Variants in SEC23A observed in about 807,000 individuals in gnomAD.
SEC23A encodes SEC23 homolog A, COPII component, also known as protein transport protein Sec23A.
A neutral mutation model predicts 103.7 loss-of-function variants in SEC23A; 56 were observed. The ratio of observed to expected loss-of-function variants is 0.54; its 90% confidence interval spans 0.44 to 0.67. The LOEUF (loss-of-function observed/expected upper bound fraction) is 0.67. SEC23A is among the 30% of genes least tolerant of loss of function. SEC23A has a pLI of 0.00. For synonymous variants in SEC23A, 281 were observed against 293.0 expected, an observed-to-expected ratio of 0.96 and a Z score of 0.42; for missense variants, 784 against 936.4, an observed-to-expected ratio of 0.84 and a Z score of 2.12.
At position 39,095,801 on chromosome 14, in the gene SEC23A, T is replaced by A; in HGVS notation, c.221+97A>T. ...CTGTCCTAATTTGAAAAAATTAGTA[T>A]GAACAAAAACAAAGGGATTTTTATA... On this transcript the variant is annotated intron_variant, in intron 2 of 19. Coordinates refer to ENST00000307712, the MANE Select transcript of SEC23A (RefSeq NM_006364.4). 9.9e-6 allele frequency: 10 copies of A among 1,009,914 alleles called. No homozygotes were observed. The South Asian group carries it at 1.3e-4, about 13-fold the overall frequency. 62.6% of individuals were successfully genotyped at this position (1,009,914 alleles called of 1,614,324 possible). A position where few individuals can be genotyped will look rare whatever the true frequency, so the allele number is the denominator to read the frequency against.
At chr14:39,060,355 TACTC>T (rs1157056818) in intron 13 of SEC23A, among the ~76,000 whole-genome samples, 1 of 152,192 alleles carries the variant, frequency 6.6e-6, no homozygotes, top group Non-Finnish European at 1.5e-5. Flanking sequence ...ATACAGCTAA[TACTC>T]AGTTCAAATG....
chr14:39,061,629 A>G, intron 13 of SEC23A, 136 bp downstream of exon 13: 1 of 695,484 alleles, frequency 1.4e-6, no homozygotes, highest in South Asian at 1.6e-5. Context: ...TGGGTTAGAA[A>G]GAAATAAATA....
At chr14:39,067,409 C>T (rs1271088405) in intron 9 of SEC23A, 113 bp from the exon 10 acceptor site, 7 of 1,147,704 alleles carry the variant, frequency 6.1e-6, no homozygotes, top group Non-Finnish European at 8.8e-6. Flanking sequence ...AAAGATATTT[C>T]CCAAAATGTG....
chr14:39,099,802 A>T (rs1199508328), intron 1 of SEC23A, among the ~76,000 whole-genome samples: 1 of 152,144 alleles, frequency 6.6e-6, no homozygotes, highest in East Asian at 1.9e-4. Flanking sequence ...ATACAATTCA[A>T]CCAAAACAAT....
chr14:39,100,871 T>A (rs1215907916), intron 1 of SEC23A, among the ~76,000 whole-genome samples: 5 of 151,552 alleles, frequency 3.3e-5, no homozygotes, highest in Non-Finnish European at 1.5e-5. Context: ...TGAGATGGAG[T>A]CTCACTCTAT....
At chr14:39,056,184 A>G (rs997625555) in intron 13 of SEC23A, among the ~76,000 whole-genome samples, 1 of 152,214 alleles carries the variant, frequency 6.6e-6, no homozygotes, top group Non-Finnish European at 1.5e-5. Context: ...AAAAGTGTGT[A>G]GATAAGCCAA....
At chr14:39,079,398 A>C (rs1887141691) in intron 7 of SEC23A, among the ~76,000 whole-genome samples, 1 of 152,220 alleles carries the variant, frequency 6.6e-6, no homozygotes, top group Non-Finnish European at 1.5e-5. Flanking sequence ...TTGTATTGTC[A>C]TATTAGAAAG....
chr14:39,099,283 C>G (rs1888002757), intron 1 of SEC23A, among the ~76,000 whole-genome samples: 1 of 151,258 alleles, frequency 6.6e-6, no homozygotes, highest in Non-Finnish European at 1.5e-5. Context: ...CTCAGCCTCC[C>G]AAGTAGCTGG....
intron 19 of SEC23A, among the ~76,000 whole-genome samples, chr14:39,036,212 C>T (rs1885453023): frequency 6.6e-6 from 1 of 150,432 alleles, no homozygotes; most frequent in Non-Finnish European, 1.5e-5. Flanking sequence ...GTCCCAGCTA[C>T]TCAGGAGGCT....
At chr14:39,098,470 A>T (rs1887969128) in intron 1 of SEC23A, among the ~76,000 whole-genome samples, 1 of 152,094 alleles carries the variant, frequency 6.6e-6, no homozygotes, top group Admixed American at 6.6e-5. Flanking sequence ...TACCCACAAA[A>T]ATTAAAAATA....
At chr14:39,066,010 A>AC (rs144437867) in intron 10 of SEC23A, among the ~76,000 whole-genome samples, 42 of 20,286 alleles carry the variant, frequency 2.1e-3, no homozygotes, top group Non-Finnish European at 4.9e-3. Flanking sequence ...AAAAAAAAAA[A>AC]AAAAAAAAAA....
chr14:39,041,868 C>CAAAA (rs773512856), intron 17 of SEC23A, among the ~76,000 whole-genome samples: 6 of 88,758 alleles, frequency 6.8e-5, no homozygotes, highest in Non-Finnish European at 1.1e-4. Context: ...GACTGAGTCT[C>CAAAA]AAAAAAAAAA....
intron 19 of SEC23A, among the ~76,000 whole-genome samples, chr14:39,037,189 C>G (rs535186139): frequency 6.6e-6 from 1 of 152,102 alleles, no homozygotes; most frequent in South Asian, 2.1e-4. Flanking sequence ...CTCATTCTTG[C>G]CCTGACCATC....
rs186622019 is a variant in SEC23A, at chr14:39,086,870, G to A, written c.683+59C>T. ...TATCACTGAATGCCTATGTTCAAGG[G>A]TATGGAATGTTTAAAATAGCTACAG... On this transcript the variant is annotated intron_variant, in intron 6 of 19. Transcript: ENST00000307712. 567 of 958,250 alleles carry A rather than the reference G, an allele frequency of 5.9e-4. 3 individuals carry two copies. The highest frequency in any genetic ancestry group is 3.9e-3 in the Middle Eastern group (19 of 4,818). 59.4% of individuals were successfully genotyped at this position (958,250 alleles called of 1,614,324 possible).
At chr14:39,052,597 A>G (rs1403742563) in intron 14 of SEC23A, among the ~76,000 whole-genome samples, 1 of 152,206 alleles carries the variant, frequency 6.6e-6, no homozygotes, top group Non-Finnish European at 1.5e-5. Flanking sequence ...GGCAAAATGG[A>G]AAAAGCCCTT....
chr14:39,092,692 AAACAAAGTATTTCCTGATC>A, intron 3 of SEC23A, 65 bp from the exon 4 acceptor site: 2 of 904,940 alleles, frequency 2.2e-6, no homozygotes, highest in Non-Finnish European at 3.5e-6. Context: ...ATAAAATTTT[AAACAAAGTATTTCCTGATC>A]ATTTAATTAT....
chr14:39,059,300 A>AAAAAAC (rs1886382340), intron 13 of SEC23A, among the ~76,000 whole-genome samples: 1 of 100,818 alleles, frequency 9.9e-6, no homozygotes, highest in Non-Finnish European at 2.1e-5. Flanking sequence ...AAAAAAAAAA[A>AAAAAAC]AAAAAAAAAA....
intron 10 of SEC23A, among the ~76,000 whole-genome samples, chr14:39,066,960 T>A (rs1226861530): frequency 1.3e-5 from 2 of 152,224 alleles, no homozygotes; most frequent in Non-Finnish European, 2.9e-5. Context: ...GTTCTACTTT[T>A]CTAACAATTG....
Position 39,063,349 on chromosome 14 carries a change from G to C in SEC23A, c.1373C>G (p.Ala458Gly), listed in dbSNP as rs933417558. ...ICGLSPTTTL[A>G]IYFEVVNQHN... ...CTGATTGACAACCTCAAAATATATG[G>C]CTAAGGTTGTAGTGGGACTAAGTCC... is the stretch of plus-strand genomic sequence containing the variant. The change falls in exon 12 of 20, where the codon GCC (alanine) becomes GGC (glycine). Residue 458 changes from alanine (A) to glycine (G), a missense_variant. Ala to Gly is a moderately conservative substitution (Grantham distance 60). Coordinates refer to ENST00000307712, the MANE Select transcript of SEC23A (RefSeq NM_006364.4). The C allele has an allele frequency of 3.1e-6, 5 of 1,609,884 alleles. No homozygotes were observed. The African/African-American group carries it at 6.7e-5, about 22-fold the overall frequency.
Sources: gnomAD v4.1 joint callset for allele counts (sites outside exome capture counted in the v4.1 genomes callset) on GRCh38, gnomAD v4.1.1 for gene constraint, MANE v1.5 for transcripts, NCBI Gene and HGNC (gene_info 2026-07-23, HGNC 2026-07-21) for gene names.